Variants in TRIM67 observed in about 807,000 individuals in gnomAD.
TRIM67 encodes the protein tripartite motif-containing protein 67.
TRIM67 carries 39 observed loss-of-function variants against 71.0 expected under a neutral mutation model. The ratio of observed to expected loss-of-function variants is 0.55; its 90% CI spans 0.43 to 0.72. The LOEUF (loss-of-function observed/expected upper bound fraction) is 0.72, where lower values mean the gene tolerates loss of function less well. Ranked by LOEUF, TRIM67 falls within the 30% of genes least tolerant of loss-of-function variation. The pLI is 0.00. For missense variants in TRIM67, 973 were observed against 1,079.2 expected, an observed-to-expected ratio of 0.90 and a Z score of 1.38; for synonymous variants, 481 against 473.9, an observed-to-expected ratio of 1.01 and a Z score of -0.19.
chr1:231,203,936 G>T lies in TRIM67; in HGVS notation c.1604G>T (p.Arg535Met). ...TRNNSVTLAWRMPPFTHSPVD... is the reference protein window; with the variant it reads ...TRNNSVTLAWMMPPFTHSPVD... Reference sequence around the variant, plus strand: ...AACAACAGCGTCACGCTGGCCTGGAGGATGCCACCCTTCACCCACAGCCCC... The same window carrying T: ...AACAACAGCGTCACGCTGGCCTGGATGATGCCACCCTTCACCCACAGCCCC... Residue 535 changes from arginine (R) to methionine (M), a missense_variant, in exon 6 of 10, where the codon AGG becomes ATG. This residue lies in a region of TRIM67 where 795 missense variants were observed against 831.3 expected (regional missense o/e 0.96). Transcript: ENST00000366653. 1 of 1,614,008 alleles carries T rather than the reference G, an allele frequency of 6.2e-7. No homozygotes were observed. Among genetic ancestry groups the T allele is most frequent in the Non-Finnish European group, 8.5e-7 (1 of 1,179,886 alleles).
Position 231,217,186 on chromosome 1 carries a change from G to A in TRIM67, c.*1746G>A, listed in dbSNP as rs910536254. 8 of 986,024 alleles carry A rather than the reference G, an allele frequency of 8.1e-6. No homozygotes were observed. Among genetic ancestry groups the A allele is most frequent in the Non-Finnish European group, 9.6e-6 (8 of 830,078 alleles). The allele number at this position is 986,024 out of a possible 1,614,324, so 61.1% of individuals were successfully genotyped here. A position where few individuals can be genotyped will look rare whatever the true frequency, so the allele number is the denominator to read the frequency against. The stretch of plus-strand genomic sequence containing the variant: ...GGTCTGCAAGGCTGCTTGGTCCGCT[G>A]TCTCTGCAGATGTGGCCGGCAAGGC... On this transcript the variant is annotated 3_prime_UTR_variant, in exon 10 of 10. Coordinates refer to ENST00000366653, the MANE Select transcript of TRIM67 (RefSeq NM_001004342.5).
At position 231,218,195 on chromosome 1, in the gene TRIM67, G is replaced by A. The variant is rs1277116806; in HGVS notation, c.*2755G>A. On this transcript the variant is annotated 3_prime_UTR_variant, in exon 10 of 10. Coordinates refer to ENST00000366653, the MANE Select transcript of TRIM67 (RefSeq NM_001004342.5). ...CAGGAAGGTCCCGGGTTTCAGAGTA[G>A]AAATGACAGACAGGTCATGGAATTC... 9.8e-7 allele frequency: 1 copy of A among 1,020,660 alleles called. No individual in the cohort carries two copies. The highest frequency in any genetic ancestry group is 1.2e-6 in the Non-Finnish European group (1 of 850,432). 63.2% of individuals were successfully genotyped at this position (1,020,660 alleles called of 1,614,324 possible).
intron 1 of TRIM67, among the ~76,000 whole-genome samples, chr1:231,178,140 G>C (rs1682805289): frequency 6.6e-6 from 1 of 152,192 alleles, no homozygotes; most frequent in Non-Finnish European, 1.5e-5. Context: ...TGGTAATCAT[G>C]TGAGAAACAG....
chr1:231,193,551 C>CTCTCTCTCA (rs1328185494), intron 1 of TRIM67, among the ~76,000 whole-genome samples: 1 of 34,174 alleles, frequency 2.9e-5, no homozygotes, highest in Non-Finnish European at 7.4e-5. Context: ...TCTCTCTCTC[C>CTCTCTCTCA]TCTTGGTGCA....
At chr1:231,212,003 T>G (rs985981613) in intron 8 of TRIM67, among the ~76,000 whole-genome samples, 7 of 152,212 alleles carry the variant, frequency 4.6e-5, no homozygotes, top group Admixed American at 1.3e-4. Flanking sequence ...TGAGACGAAT[T>G]AAGAGTCCTT....
At chr1:231,182,033 G>T (rs1406509776) in intron 1 of TRIM67, among the ~76,000 whole-genome samples, 1 of 152,212 alleles carries the variant, frequency 6.6e-6, no homozygotes, top group African/African-American at 2.4e-5. Flanking sequence ...TGAGGGCCTT[G>T]CTCTAGTAGG....
chr1:231,182,834 T>C (rs931717137), intron 1 of TRIM67, among the ~76,000 whole-genome samples: 4 of 152,222 alleles, frequency 2.6e-5, no homozygotes, highest in African/African-American at 9.7e-5. Context: ...GACTGCCTTG[T>C]CAGAGGAAGA....
At position 231,216,198 on chromosome 1, in the gene TRIM67, C is replaced by T. The variant is rs1684009160; in HGVS notation, c.*758C>T. The T allele has an allele frequency of 3.1e-6, 3 of 956,304 alleles. 1 individual carries two copies. The allele number at this position is 956,304 out of a possible 1,614,324, so 59.2% of individuals were successfully genotyped here. On this transcript the variant is annotated 3_prime_UTR_variant, in exon 10 of 10. Transcript: ENST00000366653. ...TCTCCTTCCTTCCCTCCTTTGCTCT[C>T]TCTTTCTTCCTTTCCTCCTTCTCTC...
chr1:231,213,877 C>A lies in TRIM67; in HGVS notation c.2186C>A (p.Thr729Asn), dbSNP rs1683937784. The A allele has an allele frequency of 2.5e-6, 4 of 1,613,742 alleles. No individual in the cohort carries two copies. Among genetic ancestry groups the A allele is most frequent in the Non-Finnish European group, 3.4e-6 (4 of 1,179,762 alleles). The stretch of plus-strand genomic sequence containing the variant: ...GTGCTGCTGGACCTGAATAAGCACA[C>A]TCTCACCTTCTTCATCAACGGGCAG... ...VGVLLDLNKHTLTFFINGQQQ... is the reference protein window; with the variant it reads ...VGVLLDLNKHNLTFFINGQQQ... The change falls in exon 9 of 10, where the codon ACT becomes AAT. Residue 729 changes from threonine to asparagine, a missense_variant. Transcript: ENST00000366653.
At chr1:231,193,913 A>C (rs1683302256) in intron 1 of TRIM67, among the ~76,000 whole-genome samples, 1 of 152,158 alleles carries the variant, frequency 6.6e-6, no homozygotes, top group East Asian at 1.9e-4. Context: ...CCTGTGACCA[A>C]ATACCTCCCA....
rs1349112013 is a variant in TRIM67, at chr1:231,218,202, CAG to C, written c.*2764_*2765del. ...GTCCCGGGTTTCAGAGTAGAAATGA[CAG>C]ACAGGTCATGGAATTCTCATCCACC... is the stretch of plus-strand genomic sequence containing the variant. On this transcript the variant is annotated 3_prime_UTR_variant, in exon 10 of 10. Coordinates refer to ENST00000366653, the MANE Select transcript of TRIM67 (RefSeq NM_001004342.5). The C allele has an allele frequency of 9.8e-7, 1 of 1,020,438 alleles. No individual in the cohort carries two copies. Among genetic ancestry groups the C allele is most frequent in the African/African-American group, 1.7e-5 (1 of 59,172 alleles). The allele number at this position is 1,020,438 out of a possible 1,614,324, so 63.2% of individuals were successfully genotyped here. A position where few individuals can be genotyped will look rare whatever the true frequency, so the allele number is the denominator to read the frequency against.
At chr1:231,167,558 G>C (rs1411078172) in intron 1 of TRIM67, among the ~76,000 whole-genome samples, 6 of 106,582 alleles carry the variant, frequency 5.6e-5, no homozygotes, top group Non-Finnish European at 1.0e-4. Context: ...TCCTGACCTC[G>C]TGATCCGCCC....
At chr1:231,211,988 C>T (rs1229232682) in intron 8 of TRIM67, among the ~76,000 whole-genome samples, 1 of 152,202 alleles carries the variant, frequency 6.6e-6, no homozygotes, top group African/African-American at 2.4e-5. Flanking sequence ...GGAAACGCTA[C>T]ACTTTGAGAC....
At chr1:231,176,245 C>T (rs948107569) in intron 1 of TRIM67, among the ~76,000 whole-genome samples, 2 of 152,184 alleles carry the variant, frequency 1.3e-5, no homozygotes, top group African/African-American at 2.4e-5. Context: ...CAGCTCACAG[C>T]CTGCTGCAGG....
At position 231,215,644 on chromosome 1, in the gene TRIM67, T is replaced by C. The variant is rs535613644; in HGVS notation, c.*204T>C. On this transcript the variant is annotated 3_prime_UTR_variant, in exon 10 of 10. Coordinates refer to ENST00000366653, the MANE Select transcript of TRIM67 (RefSeq NM_001004342.5). ...CCATGCTCACAGCTGCCACTGTCAG[T>C]GGCAAAGGAAGGTACGTGTGTCACC... is the stretch of plus-strand genomic sequence containing the variant. 1.6e-5 allele frequency: 21 copies of C among 1,339,074 alleles called. No homozygotes were observed. In the South Asian group the frequency reaches 4.0e-4, roughly 25 times the overall value. The allele number at this position is 1,339,074 out of a possible 1,614,324, so 82.9% of individuals were successfully genotyped here.
Position 231,197,614 on chromosome 1 carries a change from T to C in TRIM67, c.1140+148T>C, listed in dbSNP as rs1269458851. 7 of 630,538 alleles carry C rather than the reference T, an allele frequency of 1.1e-5. No individual in the cohort carries two copies. In the East Asian group the frequency reaches 1.8e-4, roughly 16 times the overall value. The allele number at this position is 630,538 out of a possible 1,614,324, so 39.1% of individuals were successfully genotyped here. A position where few individuals can be genotyped will look rare whatever the true frequency, so the allele number is the denominator to read the frequency against. ...GCCGAGGCGGGCAGATCACCTGAGATTGGGAGTTTGAGACCAGCCTTACCA... is the reference window on the plus strand; with the variant it reads ...GCCGAGGCGGGCAGATCACCTGAGACTGGGAGTTTGAGACCAGCCTTACCA... On this transcript the variant is annotated intron_variant, in intron 2 of 9. Transcript: ENST00000366653.
intron 1 of TRIM67, chr1:231,185,267 G>A: frequency 4.0e-6 from 6 of 1,509,370 alleles, no homozygotes; most frequent in Non-Finnish European, 5.3e-6. Flanking sequence ...CTCACCCCTG[G>A]ACCAGCTCTC....
At chr1:231,184,936 C>A in intron 1 of TRIM67, 3 of 1,336,066 alleles carry the variant, frequency 2.2e-6, no homozygotes, top group Non-Finnish European at 3.1e-6. Context: ...AGGGCCCAAC[C>A]CTGAAGCCCA....
intron 1 of TRIM67, among the ~76,000 whole-genome samples, chr1:231,187,320 A>T (rs1229448063): frequency 1.3e-5 from 2 of 152,040 alleles, no homozygotes; most frequent in Non-Finnish European, 2.9e-5. Flanking sequence ...AGTGTGCCTC[A>T]GTGGTATCCG....
Sources: gnomAD v4.1 joint callset for allele counts (sites outside exome capture counted in the v4.1 genomes callset) on GRCh38, gnomAD v4.1.1 for gene constraint, gnomAD v4.1.1 regional missense constraint, MANE v1.5 for transcripts, NCBI Gene and HGNC (gene_info 2026-07-23, HGNC 2026-07-21) for gene names.